BRD4: variants seen among roughly 807,000 people sequenced by gnomAD.
BRD4 encodes bromodomain-containing protein 4.
BRD4 carries 16 observed loss-of-function variants against 142.1 expected under a neutral mutation model. The ratio of observed to expected loss-of-function variants is 0.11; its 90% CI spans 0.08 to 0.17. BRD4 has a LOEUF of 0.17. BRD4 is among the 10% of genes least tolerant of loss of function. The pLI is 1.00. For missense variants in BRD4, 1,424 were observed against 1,810.9 expected (o/e 0.79, Z 3.88); for synonymous variants, 833 against 707.5 (o/e 1.18, Z -2.82).
chr19:15,307,430 G>C (rs1356227656), intron 1 of BRD4, among the ~76,000 whole-genome samples: 1 of 152,104 alleles, frequency 6.6e-6, no homozygotes, highest in Non-Finnish European at 1.5e-5. Flanking sequence ...AATTCCAGTG[G>C]GTGAATGTCC....
chr19:15,278,142 C>CAAAAAAAAAAAAAAAAAAAAAAAAAA (rs2047669367), intron 1 of BRD4, among the ~76,000 whole-genome samples: 1 of 89,268 alleles, frequency 1.1e-5, no homozygotes. Flanking sequence ...AAAAAAAAAT[C>CAAAAAAAAAAAAAAAAAAAAAAAAAA]AAAATCAACA....
At chr19:15,300,260 C>A (rs1295552404) in intron 1 of BRD4, among the ~76,000 whole-genome samples, 1 of 151,938 alleles carries the variant, frequency 6.6e-6, no homozygotes, top group African/African-American at 2.4e-5. Flanking sequence ...TAAATAAAAA[C>A]AAATAAAAAC....
At chr19:15,312,162 CA>C (rs1189748289) in intron 1 of BRD4, among the ~76,000 whole-genome samples, 1 of 152,182 alleles carries the variant, frequency 6.6e-6, no homozygotes, top group Non-Finnish European at 1.5e-5. Context: ...AAATGCCACA[CA>C]AAGCAAGTGT....
chr19:15,320,161 G>A (rs1369454234), intron 1 of BRD4, among the ~76,000 whole-genome samples: 1 of 151,990 alleles, frequency 6.6e-6, no homozygotes, highest in Non-Finnish European at 1.5e-5. Context: ...AGAGAAGCAG[G>A]GTCAGTCCCA....
rs755369073 is a variant in BRD4, at chr19:15,256,216, C to T, written c.1599G>A (p.Gln533=). 6.2e-7 allele frequency: 1 copy of T among 1,612,674 alleles called. No homozygotes were observed. Among genetic ancestry groups the T allele is most frequent in the Non-Finnish European group, 8.5e-7 (1 of 1,179,862 alleles). The change falls in exon 9 of 20, where the codon CAG becomes CAA. Residue 533 remains glutamine (Q), a synonymous_variant. Transcript: ENST00000679869. Reference sequence around the variant, plus strand: ...CTTTCTCCTTTTTCTTTGGTTTGTTCTGCTGGGGCTGAGAGAGGGCTGCAA... The same window carrying T: ...CTTTCTCCTTTTTCTTTGGTTTGTTTTGCTGGGGCTGAGAGAGGGCTGCAA... ...EQLAALSQPQ[Q]NKPKKKEKDK...
At chr19:15,300,244 G>A (rs943955373) in intron 1 of BRD4, among the ~76,000 whole-genome samples, 4 of 151,916 alleles carry the variant, frequency 2.6e-5, no homozygotes, top group African/African-American at 9.7e-5. Context: ...ACCCTGATCC[G>A]ATAAATAAAT....
At chr19:15,283,066 G>T (rs2047716629) in intron 1 of BRD4, among the ~76,000 whole-genome samples, 1 of 152,154 alleles carries the variant, frequency 6.6e-6, no homozygotes, top group African/African-American at 2.4e-5. Context: ...CTCCAAGATG[G>T]CCAGGGAGCA....
chr19:15,305,993 T>C (rs1380001357), intron 1 of BRD4, among the ~76,000 whole-genome samples: 1 of 152,210 alleles, frequency 6.6e-6, no homozygotes, highest in African/African-American at 2.4e-5. Flanking sequence ...AAACTTTTCT[T>C]CTGCAGCTTT....
rs532010347 is a variant in BRD4, at chr19:15,278,910, C to T, written c.-34-5777G>A. Among the ~76,000 whole-genome samples, 5 of 152,090 alleles carry T rather than the reference C, an allele frequency of 3.3e-5. No homozygotes were observed. The South Asian group carries it at 1.0e-3, about 32-fold the overall frequency. On this transcript the variant is annotated intron_variant, in intron 1 of 19. Transcript: ENST00000679869. ...AGGCTGGAGTGCAATAGCGTGATCT[C>T]GACTCACTGTAACCTCCGCCTCCCA...
At chr19:15,269,452 AT>A (rs1292658927) in intron 2 of BRD4, among the ~76,000 whole-genome samples, 2 of 152,132 alleles carry the variant, frequency 1.3e-5, no homozygotes, top group African/African-American at 4.8e-5. Flanking sequence ...CCCATTTGAA[AT>A]TTTACATGTC....
chr19:15,308,991 G>A (rs538347634), intron 1 of BRD4, among the ~76,000 whole-genome samples: 83 of 151,652 alleles, frequency 5.5e-4, no homozygotes, highest in African/African-American at 1.9e-3. Flanking sequence ...CTCCAGCCTG[G>A]GAGACAGAGC....
chr19:15,250,597 C>A (rs1328690534), intron 11 of BRD4, among the ~76,000 whole-genome samples: 1 of 152,190 alleles, frequency 6.6e-6, no homozygotes. Flanking sequence ...TCCAACTAGA[C>A]GACCAGACCA....
intron 1 of BRD4, among the ~76,000 whole-genome samples, chr19:15,319,873 C>G (rs2048046660): frequency 6.6e-6 from 1 of 152,098 alleles, no homozygotes; most frequent in African/African-American, 2.4e-5. Context: ...GAGGCTGAGA[C>G]TACAGTTAGC....
At chr19:15,258,959 G>A (rs908647451) in intron 7 of BRD4, among the ~76,000 whole-genome samples, 1 of 152,180 alleles carries the variant, frequency 6.6e-6, no homozygotes, top group Non-Finnish European at 1.5e-5. Context: ...ACACAACAAG[G>A]GACGACCAGA....
At chr19:15,293,077 G>A (rs973435952) in intron 1 of BRD4, among the ~76,000 whole-genome samples, 2 of 152,076 alleles carry the variant, frequency 1.3e-5, no homozygotes, top group African/African-American at 4.8e-5. Context: ...GTTCAAGGAG[G>A]CCAATGGCAG....
At chr19:15,276,783 C>T (rs868289089) in intron 1 of BRD4, among the ~76,000 whole-genome samples, 3 of 152,228 alleles carry the variant, frequency 2.0e-5, no homozygotes, top group African/African-American at 7.2e-5. Flanking sequence ...CAGGTCCTAA[C>T]ATGCCTTGCC....
chr19:15,323,377 G>A (rs1273239448), intron 1 of BRD4, among the ~76,000 whole-genome samples: 1 of 151,960 alleles, frequency 6.6e-6, no homozygotes, highest in Non-Finnish European at 1.5e-5. Flanking sequence ...GGCCCAGACT[G>A]GCATCCACCA....
At chr19:15,331,856 A>C (rs927839531) in intron 1 of BRD4, 1 of 142,226 alleles carries the variant, frequency 7.0e-6, no homozygotes, top group African/African-American at 2.6e-5. Context: ...CGCGCCGCGG[A>C]CCCCGCGGCG....
At chr19:15,246,279 G>T (rs553987383) in intron 11 of BRD4, among the ~76,000 whole-genome samples, 1 of 152,194 alleles carries the variant, frequency 6.6e-6, no homozygotes, top group Non-Finnish European at 1.5e-5. Flanking sequence ...CTGCTGTGGT[G>T]GTGGGGGGAG....
Sources: allele counts gnomAD v4.1 joint callset (sites outside exome capture counted in the v4.1 genomes callset), GRCh38; gene constraint gnomAD v4.1.1; transcripts MANE v1.5; gene names NCBI Gene and HGNC (gene_info 2026-07-23, HGNC 2026-07-21).